PCNX1: variants seen among roughly 807,000 people sequenced by gnomAD.
The protein encoded by PCNX1 is pecanex-like protein 1.
In PCNX1, 78 loss-of-function variants were observed where a neutral mutation model predicts 242.2. The observed-to-expected ratio is 0.32, with a 90% CI of 0.27 to 0.39. PCNX1 has a LOEUF of 0.39. Among genes scored for constraint, PCNX1 ranks in the 10% least tolerant of loss-of-function variants. PCNX1 has a pLI of 1.00. For synonymous variants in PCNX1, 1,024 were observed against 1,032.9 expected (o/e 0.99, Z 0.17); for missense variants, 2,581 against 2,856.5 (o/e 0.90, Z 2.20).
intron 1 of PCNX1, among the ~76,000 whole-genome samples, chr14:70,936,204 A>C (rs1222269807): frequency 6.6e-6 from 1 of 152,164 alleles, no homozygotes; most frequent in South Asian, 2.1e-4. Context: ...ATATGTATAC[A>C]TGTGCCATGT....
At position 71,102,225 on chromosome 14, in the gene PCNX1, G is replaced by A; in HGVS notation, c.5820+5G>A. On this transcript the variant is annotated splice_donor_5th_base_variant and intron_variant, in intron 31 of 35. Transcript: ENST00000304743. ...CTGAGCTTCAGGGTCATTAAAGTAAGTGTTTGAGGTATTTATTTGGTCCAA... is the reference window on the plus strand; with the variant it reads ...CTGAGCTTCAGGGTCATTAAAGTAAATGTTTGAGGTATTTATTTGGTCCAA... The A allele has an allele frequency of 6.3e-7, 1 of 1,594,796 alleles. No individual in the cohort carries two copies. The highest frequency in any genetic ancestry group is 8.6e-7 in the Non-Finnish European group (1 of 1,162,678).
intron 2 of PCNX1, 143 bp downstream of exon 2, chr14:70,947,266 T>A: frequency 1.5e-6 from 1 of 649,956 alleles, no homozygotes; most frequent in Non-Finnish European, 2.7e-6. Context: ...CAATGATGGG[T>A]ACATATTTTA....
intron 1 of PCNX1, among the ~76,000 whole-genome samples, chr14:70,917,883 C>G (rs923283732): frequency 1.3e-5 from 2 of 152,234 alleles, no homozygotes; most frequent in Non-Finnish European, 2.9e-5. Context: ...TTTGGTGTAG[C>G]CACCATCAGT....
In PCNX1 at chr14:71,099,746, C is replaced by A. The variant is rs2062412422; in HGVS notation, c.5590-2244C>A. The stretch of plus-strand genomic sequence containing the variant: ...GCCAGTAAAACCTTGTTTTATGAAT[C>A]TGGGTGCTCCAATGTTGGGTGCATA... On this transcript the variant is annotated intron_variant, in intron 30 of 35. Coordinates refer to ENST00000304743, the MANE Select transcript of PCNX1 (RefSeq NM_014982.3). 2.0e-5 allele frequency among the ~76,000 whole-genome samples: 3 copies of A among 152,178 alleles called. No individual in the cohort carries two copies. In the South Asian group the frequency reaches 6.2e-4, roughly 32 times the overall value.
intron 8 of PCNX1, among the ~76,000 whole-genome samples, chr14:71,004,710 T>TA (rs960721210): frequency 3.3e-4 from 51 of 152,272 alleles, no homozygotes; most frequent in African/African-American, 1.2e-3. Context: ...AGTCACCACT[T>TA]ATGATTATAA....
Position 71,056,196 on chromosome 14 carries a change from A to G in PCNX1, c.4636+634A>G, listed in dbSNP as rs181998105. Among the ~76,000 whole-genome samples, 372 of 152,348 alleles carry G rather than the reference A, an allele frequency of 2.4e-3. 2 individuals carry two copies. The highest frequency in any genetic ancestry group is 4.0e-3 in the Non-Finnish European group (273 of 68,018). ...ATTTACTAAAATAAATATTACTCCC[A>G]AATACACTGGAATATTTGTATCCAT... is the stretch of plus-strand genomic sequence containing the variant. On this transcript the variant is annotated intron_variant, in intron 25 of 35. Coordinates refer to ENST00000304743, the MANE Select transcript of PCNX1 (RefSeq NM_014982.3).
chr14:71,080,725 T>G (rs2061833812), intron 28 of PCNX1, among the ~76,000 whole-genome samples: 1 of 152,248 alleles, frequency 6.6e-6, no homozygotes, highest in African/African-American at 2.4e-5. Context: ...TTTTGTATCT[T>G]GAGACTTTGC....
intron 26 of PCNX1, among the ~76,000 whole-genome samples, chr14:71,072,148 G>A (rs1043108199): frequency 5.9e-5 from 9 of 152,164 alleles, no homozygotes; most frequent in Non-Finnish European, 2.9e-5. Flanking sequence ...GACAGGAAGT[G>A]AGCACATGCT....
At chr14:70,945,630 C>G (rs912392768) in intron 1 of PCNX1, among the ~76,000 whole-genome samples, 2 of 151,734 alleles carry the variant, frequency 1.3e-5, no homozygotes, top group African/African-American at 4.8e-5. Flanking sequence ...CTGTCTGGCC[C>G]ATAAAGACCT....
intron 6 of PCNX1, among the ~76,000 whole-genome samples, chr14:70,979,237 A>T (rs2058767807): frequency 6.6e-6 from 1 of 152,120 alleles, no homozygotes; most frequent in Non-Finnish European, 1.5e-5. Context: ...TTATTCTTAA[A>T]GTTTATTAAA....
chr14:70,950,544 A>G (rs1398134653), intron 2 of PCNX1, among the ~76,000 whole-genome samples: 1 of 152,234 alleles, frequency 6.6e-6, no homozygotes, highest in South Asian at 2.1e-4. Context: ...AAGTTTTCCA[A>G]TATGTATTGC....
chr14:71,100,106 G>A (rs1021653138), intron 30 of PCNX1, among the ~76,000 whole-genome samples: 1 of 152,070 alleles, frequency 6.6e-6, no homozygotes, highest in African/African-American at 2.4e-5. Flanking sequence ...GTCCTATTAG[G>A]AAGTTGTTGG....
At position 71,110,942 on chromosome 14, in the gene PCNX1, G is replaced by A. The variant is rs1410035325; in HGVS notation, c.*1007G>A. On this transcript the variant is annotated 3_prime_UTR_variant, in exon 36 of 36. Transcript: ENST00000304743. ...AGGATCGATTGCCTTTTATTTATGA[G>A]TTTCTAGCTCTTGAAGTTATTCACA... The A allele has an allele frequency of 2.6e-5, 4 of 152,586 alleles. No homozygotes were observed. The highest frequency in any genetic ancestry group is 4.4e-5 in the Non-Finnish European group (3 of 68,018). The allele number at this position is 152,586 out of a possible 1,614,324, so 9.5% of individuals were successfully genotyped here.
In PCNX1 at chr14:71,105,390, G is replaced by A. The variant is rs762139739; in HGVS notation, c.6251G>A (p.Gly2084Glu). The A allele has an allele frequency of 1.2e-6, 2 of 1,613,972 alleles. No homozygotes were observed. The highest frequency in any genetic ancestry group is 2.2e-5 in the South Asian group (2 of 91,074). Residue 2084 changes from glycine to glutamate, a missense_variant, in exon 33 of 36, where the codon GGA (glycine) becomes GAA (glutamate). Coordinates refer to ENST00000304743, the MANE Select transcript of PCNX1 (RefSeq NM_014982.3). ...GGAAGCATTGGAAATCCTGGGCAGG[G>A]ATCAGGAACTGGACTCCACCCACCT... is the stretch of plus-strand genomic sequence containing the variant. ...TQGSIGNPGQ[G>E]SGTGLHPPVT...
At chr14:71,063,671 G>A (rs1243008766) in intron 26 of PCNX1, among the ~76,000 whole-genome samples, 1 of 152,062 alleles carries the variant, frequency 6.6e-6, no homozygotes. Context: ...CAGATATTTG[G>A]ATCTGCTGAG....
intron 1 of PCNX1, 175 bp from the exon 2 acceptor site, chr14:70,946,740 G>C (rs1428125026): frequency 3.5e-6 from 2 of 569,984 alleles, no homozygotes; most frequent in Non-Finnish European, 6.2e-6. Flanking sequence ...GTAGCCACAT[G>C]TAGCTAGTGT....
At chr14:71,016,047 A>G (rs1347987764) in intron 11 of PCNX1, among the ~76,000 whole-genome samples, 1 of 152,198 alleles carries the variant, frequency 6.6e-6, no homozygotes, top group African/African-American at 2.4e-5. Flanking sequence ...AAAAACAAAT[A>G]GGTTAAAAGA....
At chr14:71,098,407 T>C (rs756265944) in intron 30 of PCNX1, among the ~76,000 whole-genome samples, 7 of 152,122 alleles carry the variant, frequency 4.6e-5, no homozygotes, top group Non-Finnish European at 8.8e-5. Flanking sequence ...ATCCAGTCCA[T>C]AAGCATGGAA....
chr14:70,933,414 T>C (rs2056878960), intron 1 of PCNX1, among the ~76,000 whole-genome samples: 1 of 152,248 alleles, frequency 6.6e-6, no homozygotes, highest in Non-Finnish European at 1.5e-5. Context: ...GAATTATTTT[T>C]ACATTTTTAA....
Sources: allele counts gnomAD v4.1 joint callset (sites outside exome capture counted in the v4.1 genomes callset), GRCh38; gene constraint gnomAD v4.1.1; transcripts MANE v1.5; gene names NCBI Gene and HGNC (gene_info 2026-07-23, HGNC 2026-07-21).